Variants in HECW2 observed in about 807,000 individuals in gnomAD.
HECW2 encodes E3 ubiquitin-protein ligase HECW2.
HECW2 carries 61 observed loss-of-function variants against 175.2 expected under a neutral mutation model. That is an observed-to-expected ratio of 0.35 (90% CI 0.28 to 0.43). HECW2 has a LOEUF of 0.43. Among genes scored for constraint, HECW2 ranks in the 20% least tolerant of loss-of-function variants. The pLI, the probability that HECW2 is intolerant of heterozygous loss-of-function variation, is 1.00. For synonymous variants in HECW2, 671 were observed against 731.0 expected (o/e 0.92, Z 1.32); for missense variants, 1,524 against 2,000.5 (o/e 0.76, Z 4.54).
At chr2:196,420,685 G>T (rs112440625) in intron 2 of HECW2, among the ~76,000 whole-genome samples, 1 of 152,084 alleles carries the variant, frequency 6.6e-6, no homozygotes, top group Non-Finnish European at 1.5e-5. Context: ...GTATGTATGT[G>T]TTCTATAAGA....
chr2:196,563,331 C>G (rs1031369666), intron 1 of HECW2, among the ~76,000 whole-genome samples: 1 of 151,962 alleles, frequency 6.6e-6, no homozygotes, highest in Non-Finnish European at 1.5e-5. Flanking sequence ...TTTGGGAGGC[C>G]GAGGCAGGTG....
intron 1 of HECW2, among the ~76,000 whole-genome samples, chr2:196,508,301 C>T (rs1270716161): frequency 1.3e-5 from 2 of 152,184 alleles, no homozygotes; most frequent in Admixed American, 6.5e-5. Flanking sequence ...AAACCTGAAT[C>T]CATCAATCTC....
At chr2:196,322,322 A>C (rs1471431475) in intron 7 of HECW2, among the ~76,000 whole-genome samples, 156 bp downstream of exon 7, 2 of 152,234 alleles carry the variant, frequency 1.3e-5, no homozygotes, top group African/African-American at 4.8e-5. Context: ...TTTTTTGTCA[A>C]GTACATTTTA....
At chr2:196,252,391 C>G (rs932889563) in intron 19 of HECW2, among the ~76,000 whole-genome samples, 2 of 151,998 alleles carry the variant, frequency 1.3e-5, no homozygotes, top group African/African-American at 4.8e-5. Flanking sequence ...CTCTAAATCT[C>G]ATGTTTAAAT....
At chr2:196,213,458 C>A (rs1050907211) in intron 28 of HECW2, among the ~76,000 whole-genome samples, 4 of 152,150 alleles carry the variant, frequency 2.6e-5, no homozygotes, top group Non-Finnish European at 5.9e-5. Flanking sequence ...TGTGCTCCTG[C>A]GTGTTACCTG....
At chr2:196,388,960 C>A (rs1285416926) in intron 2 of HECW2, among the ~76,000 whole-genome samples, 1 of 152,142 alleles carries the variant, frequency 6.6e-6, no homozygotes, top group Non-Finnish European at 1.5e-5. Flanking sequence ...AGGGGCACCC[C>A]AGTGAAAAAC....
chr2:196,504,837 C>T (rs1575613077), intron 1 of HECW2, among the ~76,000 whole-genome samples: 1 of 152,002 alleles, frequency 6.6e-6, no homozygotes, highest in Admixed American at 6.6e-5. Flanking sequence ...ATCTCATTTA[C>T]TCTTCACAAA....
At chr2:196,234,568 T>TA (rs1688172327) in intron 21 of HECW2, among the ~76,000 whole-genome samples, 1 of 152,170 alleles carries the variant, frequency 6.6e-6, no homozygotes, top group African/African-American at 2.4e-5. Flanking sequence ...GTGCTGGGAT[T>TA]ATAGGTATGA....
At chr2:196,408,507 T>C (rs553359129) in intron 2 of HECW2, among the ~76,000 whole-genome samples, 1 of 152,280 alleles carries the variant, frequency 6.6e-6, no homozygotes, top group East Asian at 1.9e-4. Flanking sequence ...GAACTCAAAA[T>C]AGCTAGAGGA....
At position 196,220,730 on chromosome 2, in the gene HECW2, A is replaced by G. The variant is rs1049273253; in HGVS notation, c.4293+65T>C. ...AAATAGTCTACACATGTAAAGTACAATAAGATGGACTGTGGCATCATTGAT... is the reference window on the plus strand; with the variant it reads ...AAATAGTCTACACATGTAAAGTACAGTAAGATGGACTGTGGCATCATTGAT... On this transcript the variant is annotated intron_variant, in intron 25 of 28. Transcript: ENST00000644978. 3.3e-6 allele frequency: 5 copies of G among 1,517,216 alleles called. No individual in the cohort carries two copies. The African/African-American group carries it at 5.5e-5, about 17-fold the overall frequency. 94.0% of individuals were successfully genotyped at this position (1,517,216 alleles called of 1,614,324 possible).
At chr2:196,473,651 T>C (rs1697303990) in intron 1 of HECW2, among the ~76,000 whole-genome samples, 1 of 152,214 alleles carries the variant, frequency 6.6e-6, no homozygotes, top group African/African-American at 2.4e-5. Context: ...CTGCCAACTT[T>C]CTACAGACCA....
rs1688639178 is a variant in HECW2, at chr2:196,526,244, A to T, written c.-36+67264T>A. 2.8e-5 allele frequency among the ~76,000 whole-genome samples: 3 copies of T among 106,370 alleles called. No individual in the cohort carries two copies. The Admixed American group carries it at 3.0e-4, about 11-fold the overall frequency. 69.8% of individuals were successfully genotyped at this position (106,370 alleles called of 152,430 possible). ...TCATTCATTTCATCTTCCATTGCTGATACCCTTTCTTCCAGTTGATCGCAT... is the reference window on the plus strand; with the variant it reads ...TCATTCATTTCATCTTCCATTGCTGTTACCCTTTCTTCCAGTTGATCGCAT... On this transcript the variant is annotated intron_variant, in intron 1 of 28. Coordinates refer to ENST00000644978, the MANE Select transcript of HECW2 (RefSeq NM_001348768.2).
At chr2:196,458,115 A>T (rs1696587109) in intron 1 of HECW2, among the ~76,000 whole-genome samples, 1 of 151,310 alleles carries the variant, frequency 6.6e-6, no homozygotes, top group Non-Finnish European at 1.5e-5. Context: ...ACAAAAAATT[A>T]AAAAATTAGC....
chr2:196,333,103 GC>G (rs1692427350), intron 4 of HECW2, among the ~76,000 whole-genome samples: 1 of 152,066 alleles, frequency 6.6e-6, no homozygotes, highest in Non-Finnish European at 1.5e-5. Context: ...CTTCAGGTAA[GC>G]CTTCCAGGAA....
chr2:196,252,923 G>A (rs1346877297), intron 19 of HECW2, among the ~76,000 whole-genome samples: 1 of 152,156 alleles, frequency 6.6e-6, no homozygotes, highest in Non-Finnish European at 1.5e-5. Context: ...CTTCATTACA[G>A]AACTAACTAC....
chr2:196,259,514 G>A lies in HECW2; in HGVS notation c.3336-1608C>T, dbSNP rs184054836. On this transcript the variant is annotated intron_variant, in intron 17 of 28. Coordinates refer to ENST00000644978, the MANE Select transcript of HECW2 (RefSeq NM_001348768.2). ...TGATAGATGAAGCAGCTAATCTTTA[G>A]TATTTGCCAAACTTTCCTTTCTGTA... 2.6e-5 allele frequency among the ~76,000 whole-genome samples: 4 copies of A among 152,112 alleles called. No individual in the cohort carries two copies. In the East Asian group the frequency reaches 7.7e-4, roughly 29 times the overall value.
chr2:196,246,151 T>C (rs1193785887), intron 19 of HECW2, among the ~76,000 whole-genome samples: 3 of 152,152 alleles, frequency 2.0e-5, no homozygotes, highest in Non-Finnish European at 4.4e-5. Context: ...GAACATTATC[T>C]CCATGAACAC....
intron 15 of HECW2, 97 bp downstream of exon 15, chr2:196,278,431 A>G: frequency 2.2e-6 from 3 of 1,392,628 alleles, no homozygotes; most frequent in Non-Finnish European, 2.9e-6. Flanking sequence ...AAAAAAAAAG[A>G]AAAAATGCTT....
chr2:196,317,831 C>T (rs952855285), intron 9 of HECW2, among the ~76,000 whole-genome samples: 2 of 152,142 alleles, frequency 1.3e-5, no homozygotes, highest in Admixed American at 1.3e-4. Context: ...TTAATGCATC[C>T]TTACAGGGCA....
Sources: allele counts gnomAD v4.1 joint callset (sites outside exome capture counted in the v4.1 genomes callset), GRCh38; gene constraint gnomAD v4.1.1; transcripts MANE v1.5; gene names NCBI Gene and HGNC (gene_info 2026-07-23, HGNC 2026-07-21).